The following CDH12 variants were observed in gnomAD, a reference collection of about 807,000 sequenced individuals.
CDH12 encodes the protein cadherin 12.
CDH12 carries 41 observed loss-of-function variants against 74.1 expected under a neutral mutation model. The ratio of observed to expected loss-of-function variants is 0.55; its 90% CI spans 0.43 to 0.72. The LOEUF is 0.72. Among genes scored for constraint, CDH12 ranks in the 30% least tolerant of loss-of-function variants. CDH12 has a pLI of 0.00. For missense variants in CDH12, 945 were observed against 977.2 expected (o/e 0.97, Z 0.44); for synonymous variants, 399 against 355.0 (o/e 1.12, Z -1.39).
At chr5:21,782,240 T>C (rs1745957386) in intron 11 of CDH12, among the ~76,000 whole-genome samples, 1 of 152,202 alleles carries the variant, frequency 6.6e-6, no homozygotes, top group Non-Finnish European at 1.5e-5. Context: ...ACTTCTTACA[T>C]GACACTTTGG....
chr5:22,085,107 G>A (rs1742978061), intron 4 of CDH12, among the ~76,000 whole-genome samples: 1 of 152,042 alleles, frequency 6.6e-6, no homozygotes. Flanking sequence ...GAGCCAGAGT[G>A]ACTTTTCAAA....
chr5:22,283,233 T>TATATA (rs1561281642), intron 3 of CDH12, among the ~76,000 whole-genome samples: 2 of 22,420 alleles, frequency 8.9e-5, no homozygotes, highest in Non-Finnish European at 2.0e-4. Flanking sequence ...TATATATATA[T>TATATA]ATATATATAT....
At chr5:22,360,361 C>A (rs1740746898) in intron 3 of CDH12, among the ~76,000 whole-genome samples, 2 of 152,090 alleles carry the variant, frequency 1.3e-5, no homozygotes, top group Admixed American at 1.3e-4. Context: ...CACACATACA[C>A]CCTCCCAAGA....
chr5:22,167,444 C>T (rs771883734), intron 4 of CDH12, among the ~76,000 whole-genome samples: 2 of 152,122 alleles, frequency 1.3e-5, no homozygotes, highest in East Asian at 1.9e-4. Context: ...TGGTGTCCTT[C>T]GCTTGTTCCT....
rs535139366 is a variant in CDH12, at chr5:22,352,207, C to A, written c.-333+53050G>T. ...AGCTCTCCTTTAAGTTCTCAGAAAG[C>A]TAAATTATTTTATACTTGGTATCTG... On this transcript the variant is annotated intron_variant, in intron 3 of 14. Coordinates refer to ENST00000382254, the MANE Select transcript of CDH12 (RefSeq NM_004061.5). 7.9e-5 allele frequency among the ~76,000 whole-genome samples: 12 copies of A among 151,802 alleles called. No homozygotes were observed. The South Asian group carries it at 2.5e-3, about 32-fold the overall frequency.
At chr5:22,487,468 A>G (rs926133496) in intron 2 of CDH12, among the ~76,000 whole-genome samples, 3 of 152,208 alleles carry the variant, frequency 2.0e-5, no homozygotes, top group African/African-American at 7.2e-5. Flanking sequence ...GATAGAGGAA[A>G]TGCTGTAATT....
At chr5:22,106,335 A>G (rs1387466059) in intron 4 of CDH12, among the ~76,000 whole-genome samples, 1 of 152,140 alleles carries the variant, frequency 6.6e-6, no homozygotes, top group Non-Finnish European at 1.5e-5. Context: ...TTTCTCTAGT[A>G]CTGTCATTTC....
At chr5:21,752,794 G>A (rs1196286507) in intron 14 of CDH12, among the ~76,000 whole-genome samples, 1 of 151,796 alleles carries the variant, frequency 6.6e-6, no homozygotes, top group Non-Finnish European at 1.5e-5. Flanking sequence ...AAGAAAGGAA[G>A]TAGAGGAAGG....
chr5:22,247,666 C>A (rs1162021673), intron 3 of CDH12, among the ~76,000 whole-genome samples: 1 of 60,996 alleles, frequency 1.6e-5, no homozygotes, highest in Non-Finnish European at 3.3e-5. Flanking sequence ...CAGAGTGAGA[C>A]TCCGTCAAAA....
chr5:22,765,425 C>A (rs1746450549), intron 1 of CDH12, among the ~76,000 whole-genome samples: 1 of 152,026 alleles, frequency 6.6e-6, no homozygotes, highest in South Asian at 2.1e-4. Context: ...GAGAGTCAAT[C>A]ACCTGGTTGA....
At chr5:21,963,355 A>G (rs1256908948) in intron 6 of CDH12, among the ~76,000 whole-genome samples, 3 of 152,108 alleles carry the variant, frequency 2.0e-5, no homozygotes, top group Non-Finnish European at 2.9e-5. Context: ...AAAAGAAATT[A>G]TCAACAAATA....
chr5:21,997,904 A>G (rs1736389761), intron 5 of CDH12, among the ~76,000 whole-genome samples: 1 of 152,082 alleles, frequency 6.6e-6, no homozygotes, highest in South Asian at 2.1e-4. Flanking sequence ...TTGTTTTCCA[A>G]TTTGGGGTAG....
At chr5:22,709,986 T>C (rs1466453822) in intron 1 of CDH12, among the ~76,000 whole-genome samples, 1 of 152,214 alleles carries the variant, frequency 6.6e-6, no homozygotes, top group East Asian at 1.9e-4. Flanking sequence ...CATGAAGATA[T>C]GAGTCATAGC....
At chr5:22,279,427 C>T (rs1580475181) in intron 3 of CDH12, among the ~76,000 whole-genome samples, 1 of 152,198 alleles carries the variant, frequency 6.6e-6, no homozygotes, top group East Asian at 1.9e-4. Context: ...GCACAACGTG[C>T]AGGTTTGTTA....
At chr5:21,886,167 T>C (rs1324063191) in intron 6 of CDH12, among the ~76,000 whole-genome samples, 7 of 152,162 alleles carry the variant, frequency 4.6e-5, no homozygotes, top group African/African-American at 1.7e-4. Context: ...TTAAAGTGGC[T>C]TGTTCCATTT....
chr5:22,284,819 T>A (rs537837849), intron 3 of CDH12, among the ~76,000 whole-genome samples: 1 of 146,666 alleles, frequency 6.8e-6, no homozygotes, highest in African/African-American at 2.5e-5. Flanking sequence ...GCTTCAATAA[T>A]GAGAAACAAA....
At chr5:22,327,574 T>C (rs1362181448) in intron 3 of CDH12, among the ~76,000 whole-genome samples, 2 of 152,110 alleles carry the variant, frequency 1.3e-5, no homozygotes, top group African/African-American at 4.8e-5. Flanking sequence ...TTAAGCTTCA[T>C]CCACGTAAAA....
chr5:22,088,613 G>C (rs1414601898), intron 4 of CDH12, among the ~76,000 whole-genome samples: 1 of 152,092 alleles, frequency 6.6e-6, no homozygotes, highest in Non-Finnish European at 1.5e-5. Flanking sequence ...GGGAAACAGA[G>C]GCCAAAAGGA....
chr5:21,926,454 T>C (rs1251846501), intron 6 of CDH12, among the ~76,000 whole-genome samples: 2 of 152,216 alleles, frequency 1.3e-5, no homozygotes, highest in African/African-American at 4.8e-5. Context: ...TTCCTCTATA[T>C]ATCTATCTAT....
Sources: gnomAD v4.1 joint callset for allele counts (sites outside exome capture counted in the v4.1 genomes callset) on GRCh38, gnomAD v4.1.1 for gene constraint, MANE v1.5 for transcripts, NCBI Gene and HGNC (gene_info 2026-07-23, HGNC 2026-07-21) for gene names.